The following CACNA1C variants were observed in gnomAD, a reference collection of about 807,000 sequenced individuals.
CACNA1C encodes the protein voltage-dependent L-type calcium channel subunit alpha-1C.
CACNA1C carries 30 observed loss-of-function variants against 229.0 expected under a neutral mutation model. The ratio of observed to expected loss-of-function variants is 0.13; its 90% CI spans 0.10 to 0.18. The LOEUF (loss-of-function observed/expected upper bound fraction) is 0.18. Ranked by LOEUF, CACNA1C falls within the 10% of genes least tolerant of loss-of-function variation. CACNA1C has a pLI of 1.00. For synonymous variants in CACNA1C, 1,114 were observed against 1,132.5 expected (o/e 0.98, Z 0.33); for missense variants, 1,658 against 2,845.0 (o/e 0.58, Z 9.49).
In CACNA1C at chr12:2,646,876, C is replaced by T. The variant is rs1035139459; in HGVS notation, c.3913-1599C>T. 7.9e-5 allele frequency among the ~76,000 whole-genome samples: 12 copies of T among 151,816 alleles called. No individual in the cohort carries two copies. Among genetic ancestry groups the T allele is most frequent in the African/African-American group, 2.7e-4 (11 of 41,288 alleles). ...TAGCCAAATCCTAGGGACCCCACAC[C>T]CTGCAATCACAAGGACTGACCTGGC... On this transcript the variant is annotated intron_variant, in intron 30 of 46. Transcript: ENST00000399655. The surrounding 1 kb of genome is among the most constrained non-coding windows in gnomAD (Gnocchi z 4.6).
At chr12:2,442,544 T>A (rs2099238805) in intron 3 of CACNA1C, among the ~76,000 whole-genome samples, 1 of 152,238 alleles carries the variant, frequency 6.6e-6, no homozygotes, top group Non-Finnish European at 1.5e-5. Flanking sequence ...CCACCCACTG[T>A]CAGAGGAGCA....
rs1343183263 is a variant in CACNA1C, at chr12:2,410,742, G to A, written c.478-38234G>A. ...TGCACGCATGTGTGTGTGTGCATGC[G>A]TGTGTGTATTCCAGGAGCTGACTCT... On this transcript the variant is annotated intron_variant, in intron 3 of 46. Coordinates refer to ENST00000399655, the MANE Select transcript of CACNA1C (RefSeq NM_000719.7). This position sits in a 1 kb window ranked among gnomAD's most constrained non-coding sequence, Gnocchi z 5.3. 6.6e-6 allele frequency among the ~76,000 whole-genome samples: 1 copy of A among 151,164 alleles called. No individual in the cohort carries two copies. The highest frequency in any genetic ancestry group is 2.4e-5 in the African/African-American group (1 of 40,944).
chr12:2,099,866 G>C (rs1180828004), intron 1 of CACNA1C, among the ~76,000 whole-genome samples: 1 of 152,104 alleles, frequency 6.6e-6, no homozygotes, highest in Non-Finnish European at 1.5e-5. Flanking sequence ...TCCTGAGAGT[G>C]TGATGTTCAT....
chr12:2,274,375 G>C (rs1471243943), intron 3 of CACNA1C, among the ~76,000 whole-genome samples: 2 of 152,240 alleles, frequency 1.3e-5, no homozygotes, highest in Non-Finnish European at 1.5e-5. Context: ...GGGGAAGCAT[G>C]ATCTGGAAAA....
At chr12:1,982,157 C>T (rs2036330328) in intron 1 of CACNA1C, among the ~76,000 whole-genome samples, 2 of 152,126 alleles carry the variant, frequency 1.3e-5, no homozygotes, top group African/African-American at 2.4e-5. Context: ...ATAAGGCTAA[C>T]GACATATCCT....
chr12:2,179,350 G>A (rs1184553202), intron 3 of CACNA1C, among the ~76,000 whole-genome samples: 1 of 152,210 alleles, frequency 6.6e-6, no homozygotes, highest in Non-Finnish European at 1.5e-5. Flanking sequence ...ACCTGCTGAT[G>A]ATAGGTTGGT....
chr12:2,471,178 A>C (rs1266112480), intron 5 of CACNA1C, among the ~76,000 whole-genome samples: 2 of 152,210 alleles, frequency 1.3e-5, no homozygotes, highest in African/African-American at 4.8e-5. Context: ...ATTTATATTC[A>C]ATAAAATTCA....
At chr12:2,377,479 G>A (rs1449857289) in intron 3 of CACNA1C, among the ~76,000 whole-genome samples, 1 of 152,156 alleles carries the variant, frequency 6.6e-6, no homozygotes, top group Non-Finnish European at 1.5e-5. Flanking sequence ...GGCTATCACA[G>A]GTGTGCTGGG....
At chr12:1,984,173 T>A (rs1056265632) in intron 1 of CACNA1C, among the ~76,000 whole-genome samples, 23 of 152,100 alleles carry the variant, frequency 1.5e-4, no homozygotes, top group African/African-American at 5.6e-4. Flanking sequence ...CATGCTTTTT[T>A]AATCCAATCT....
chr12:2,158,427 A>C (rs2095658837), intron 3 of CACNA1C, among the ~76,000 whole-genome samples: 1 of 152,178 alleles, frequency 6.6e-6, no homozygotes, highest in South Asian at 2.1e-4. Context: ...GATACAAAAA[A>C]TTAGCGAGGC....
At chr12:2,398,268 A>G (rs1054904969) in intron 3 of CACNA1C, among the ~76,000 whole-genome samples, 10 of 152,206 alleles carry the variant, frequency 6.6e-5, no homozygotes, top group African/African-American at 2.4e-4. Flanking sequence ...AGAATCCCTC[A>G]CACCTTCTTT....
intron 1 of CACNA1C, among the ~76,000 whole-genome samples, chr12:2,095,366 C>T (rs759550790): frequency 3.9e-5 from 6 of 152,200 alleles, no homozygotes; most frequent in Non-Finnish European, 8.8e-5. Context: ...CAGAGATGAT[C>T]GAGTGTTACA....
chr12:2,303,317 G>A (rs1326782361), intron 3 of CACNA1C, among the ~76,000 whole-genome samples: 2 of 152,180 alleles, frequency 1.3e-5, no homozygotes, highest in African/African-American at 4.8e-5. Flanking sequence ...TGAGATCAAG[G>A]TGGTGCAGGG....
At position 2,420,229 on chromosome 12, in the gene CACNA1C, A is replaced by G. The variant is rs377174004; in HGVS notation, c.478-28747A>G. ...CCAACAGGGACATGGAGCCACTCCC[A>G]CTAACTGAACCTCCCTCCTCTTTCC... is the stretch of plus-strand genomic sequence containing the variant. On this transcript the variant is annotated intron_variant, in intron 3 of 46. Coordinates refer to ENST00000399655, the MANE Select transcript of CACNA1C (RefSeq NM_000719.7). 4.4e-4 allele frequency among the ~76,000 whole-genome samples: 67 copies of G among 151,658 alleles called. 4 individuals carry two copies. The South Asian group carries it at 0.014, about 31-fold the overall frequency.
intron 7 of CACNA1C, among the ~76,000 whole-genome samples, chr12:2,499,384 C>T (rs140489316): frequency 3.3e-5 from 5 of 152,126 alleles, no homozygotes; most frequent in Non-Finnish European, 5.9e-5. Flanking sequence ...TCCACAGTGC[C>T]TGTGCCAAGA....
intron 3 of CACNA1C, among the ~76,000 whole-genome samples, chr12:2,226,123 GCGCACACA>G (rs1390741367): frequency 2.2e-5 from 2 of 92,900 alleles, no homozygotes; most frequent in Admixed American, 1.4e-4. Flanking sequence ...ATATGGGGAC[GCGCACACA>G]CACACACACA....
intron 9 of CACNA1C, among the ~76,000 whole-genome samples, chr12:2,542,343 C>T (rs894183671): frequency 6.6e-6 from 1 of 152,328 alleles, no homozygotes; most frequent in Non-Finnish European, 1.5e-5. Context: ...AGATTCACTA[C>T]TTGGAGACTT....
At position 2,285,639 on chromosome 12, in the gene CACNA1C, C is replaced by T. The variant is rs146896935; in HGVS notation, c.478-163337C>T. On this transcript the variant is annotated intron_variant, in intron 3 of 46. Coordinates refer to ENST00000399655, the MANE Select transcript of CACNA1C (RefSeq NM_000719.7). This position sits in a 1 kb window ranked among gnomAD's most constrained non-coding sequence, Gnocchi z 4.2. ...GAATCACTCAAAGCAGAGTGATGGACGAGACTTACTTTCGACGTTCCTAGG... is the reference window on the plus strand; with the variant it reads ...GAATCACTCAAAGCAGAGTGATGGATGAGACTTACTTTCGACGTTCCTAGG... Among the ~76,000 whole-genome samples the T allele has an allele frequency of 1.3e-5, 2 of 152,290 alleles. No homozygotes were observed. Among genetic ancestry groups the T allele is most frequent in the East Asian group, 3.9e-4 (2 of 5,184 alleles).
intron 8 of CACNA1C, among the ~76,000 whole-genome samples, chr12:2,505,805 G>A (rs937590939): frequency 6.6e-6 from 1 of 152,126 alleles, no homozygotes; most frequent in South Asian, 2.1e-4. Context: ...AAATGCTCCT[G>A]GTGACCTGCT....
Sources: allele counts gnomAD v4.1 joint callset (sites outside exome capture counted in the v4.1 genomes callset), GRCh38; gene constraint gnomAD v4.1.1; non-coding constraint Gnocchi (gnomAD v3.1); transcripts MANE v1.5; gene names NCBI Gene and HGNC (gene_info 2026-07-23, HGNC 2026-07-21).